Variants in PCCA observed in about 807,000 individuals in gnomAD.
The protein encoded by PCCA is propionyl-CoA carboxylase alpha chain, mitochondrial.
A neutral mutation model predicts 101.3 loss-of-function variants in PCCA; 74 were observed. That is an observed-to-expected ratio of 0.73 (90% confidence interval 0.61 to 0.89). The LOEUF (loss-of-function observed/expected upper bound fraction) is 0.89. Ranked by LOEUF, PCCA falls within the 40% of genes least tolerant of loss-of-function variation. The pLI is 0.00. For synonymous variants in PCCA, 294 were observed against 313.6 expected (o/e 0.94, Z 0.66); for missense variants, 891 against 907.0 (o/e 0.98, Z 0.23).
chr13:100,104,369 A>T (rs539090448), intron 2 of PCCA: 95 of 152,244 alleles, frequency 6.2e-4, no homozygotes, highest in African/African-American at 2.2e-3. Context: ...TCTCATCTCG[A>T]CCTGTAATCC....
At chr13:100,511,532 A>G (rs1206706700) in intron 21 of PCCA, among the ~76,000 whole-genome samples, 1 of 152,390 alleles carries the variant, frequency 6.6e-6, no homozygotes, top group East Asian at 1.9e-4. Flanking sequence ...ACAGTCAAAG[A>G]TAGCACCTGC....
chr13:100,493,179 C>T (rs552643706), intron 21 of PCCA, among the ~76,000 whole-genome samples: 1 of 152,366 alleles, frequency 6.6e-6, no homozygotes, highest in Admixed American at 6.5e-5. Context: ...CCTGCCCCTG[C>T]CCATCTGCGT....
chr13:100,508,559 G>T (rs888466047), intron 21 of PCCA, among the ~76,000 whole-genome samples: 1 of 152,204 alleles, frequency 6.6e-6, no homozygotes, highest in Admixed American at 6.5e-5. Context: ...AAACAGCCAG[G>T]CTAACTGGAT....
chr13:100,240,717 T>C (rs2061073225), intron 8 of PCCA, among the ~76,000 whole-genome samples: 1 of 152,228 alleles, frequency 6.6e-6, no homozygotes, highest in South Asian at 2.1e-4. Context: ...TTTTTCTAGA[T>C]TTGCTTTACC....
chr13:100,098,234 A>G (rs531833260), intron 1 of PCCA, among the ~76,000 whole-genome samples: 1 of 152,316 alleles, frequency 6.6e-6, no homozygotes, highest in Non-Finnish European at 1.5e-5. Flanking sequence ...AAATAAGGTG[A>G]AATTAATATA....
At position 100,476,308 on chromosome 13, in the gene PCCA, T is replaced by C. The variant is rs184882974; in HGVS notation, c.1899+27003T>C. ...GTTGCCTGTGAACTGATACTTTGCC[T>C]TGGAAACTCAGATAGTAAAAATATT... On this transcript the variant is annotated intron_variant, in intron 21 of 23. Coordinates refer to ENST00000376285, the MANE Select transcript of PCCA (RefSeq NM_000282.4). 2.5e-3 allele frequency among the ~76,000 whole-genome samples: 382 copies of C among 152,328 alleles called. 2 individuals carry two copies. Among genetic ancestry groups the C allele is most frequent in the African/African-American group, 8.3e-3 (346 of 41,584 alleles).
intron 19 of PCCA, among the ~76,000 whole-genome samples, chr13:100,424,762 T>C (rs894213222): frequency 6.6e-6 from 1 of 152,122 alleles, no homozygotes; most frequent in African/African-American, 2.4e-5. Context: ...AAATAAGTGA[T>C]AGTGGGGGAA....
chr13:100,364,951 A>T (rs946958917), intron 18 of PCCA, among the ~76,000 whole-genome samples: 1 of 152,164 alleles, frequency 6.6e-6, no homozygotes, highest in Non-Finnish European at 1.5e-5. Flanking sequence ...CAGGAGGCTG[A>T]TGCAGAAGGA....
At chr13:100,410,799 T>G (rs1020350379) in intron 19 of PCCA, among the ~76,000 whole-genome samples, 14 of 152,208 alleles carry the variant, frequency 9.2e-5, no homozygotes, top group African/African-American at 3.4e-4. Flanking sequence ...TTATTAAATT[T>G]TGCATTAGTG....
At chr13:100,145,440 G>A (rs2052416584) in intron 4 of PCCA, among the ~76,000 whole-genome samples, 1 of 152,188 alleles carries the variant, frequency 6.6e-6, no homozygotes, top group Non-Finnish European at 1.5e-5. Context: ...ATTGCTCCAA[G>A]TTGGGATCCC....
intron 6 of PCCA, among the ~76,000 whole-genome samples, chr13:100,199,993 G>A (rs1230868085): frequency 6.6e-6 from 1 of 152,084 alleles, no homozygotes; most frequent in African/African-American, 2.4e-5. Flanking sequence ...GTTGACTCAC[G>A]GGTCTTTTTG....
intron 18 of PCCA, among the ~76,000 whole-genome samples, chr13:100,364,128 A>G (rs1424314154): frequency 6.6e-6 from 1 of 152,194 alleles, no homozygotes; most frequent in Admixed American, 6.5e-5. Flanking sequence ...CTTAATTGGT[A>G]TCAGCTTTGC....
intron 19 of PCCA, among the ~76,000 whole-genome samples, chr13:100,419,114 A>G (rs1344485235): frequency 6.6e-6 from 1 of 151,894 alleles, no homozygotes; most frequent in Non-Finnish European, 1.5e-5. Context: ...TTTGCTCAAG[A>G]TCACCTCCTC....
At chr13:100,189,598 T>G (rs2057594010) in intron 6 of PCCA, among the ~76,000 whole-genome samples, 1 of 152,232 alleles carries the variant, frequency 6.6e-6, no homozygotes, top group South Asian at 2.1e-4. Context: ...TTAGTTTAAT[T>G]AAGTCGCATC....
intron 22 of PCCA, 40 bp downstream of exon 22, chr13:100,515,607 T>TC: frequency 6.2e-7 from 1 of 1,609,130 alleles, no homozygotes; most frequent in Non-Finnish European, 8.5e-7. Context: ...CATGCTGGTC[T>TC]CCAACTTCCC....
At chr13:100,437,902 T>TA (rs2080061556) in intron 20 of PCCA, among the ~76,000 whole-genome samples, 1 of 152,156 alleles carries the variant, frequency 6.6e-6, no homozygotes, top group Non-Finnish European at 1.5e-5. Flanking sequence ...ACTCCCGACT[T>TA]CAAGTTATCT....
chr13:100,229,908 G>A (rs947211101), intron 7 of PCCA, among the ~76,000 whole-genome samples: 5 of 152,190 alleles, frequency 3.3e-5, no homozygotes, highest in African/African-American at 1.2e-4. Context: ...GTCTGGTTCT[G>A]AGTCCCTGCC....
intron 2 of PCCA, among the ~76,000 whole-genome samples, chr13:100,104,085 G>T (rs4483714): frequency 0.29 from 43,455 of 152,096 alleles, 7,204 homozygotes; most frequent in East Asian, 0.69. Flanking sequence ...TGCCTTCATG[G>T]CAATGAAGGC....
rs980779034 is a variant in PCCA at position 100,469,601 on chromosome 13, A to C, written c.1899+20296A>C. ...AGACCAGCCTGGCCAACACAGTGAA[A>C]CCCCATCTCTACTAAAAATACAGTA... On this transcript the variant is annotated intron_variant, in intron 21 of 23. Transcript: ENST00000376285. Among the ~76,000 whole-genome samples the C allele has an allele frequency of 1.1e-4, 16 of 152,112 alleles. No homozygotes were observed. In the Middle Eastern group the frequency reaches 0.01, roughly 97 times the overall value.
Sources: gnomAD v4.1 joint callset for allele counts (sites outside exome capture counted in the v4.1 genomes callset) on GRCh38, gnomAD v4.1.1 for gene constraint, MANE v1.5 for transcripts, NCBI Gene and HGNC (gene_info 2026-07-23, HGNC 2026-07-21) for gene names.